LRFN5: variants seen among roughly 807,000 people sequenced by gnomAD.
LRFN5 encodes the protein leucine-rich repeat and fibronectin type-III domain-containing protein 5.
LRFN5 carries 24 observed loss-of-function variants against 45.6 expected under a neutral mutation model. The observed-to-expected ratio is 0.53, with a 90% CI of 0.38 to 0.74. LRFN5 has a LOEUF of 0.74. Ranked by LOEUF, LRFN5 falls within the 30% of genes least tolerant of loss-of-function variation. LRFN5 has a pLI of 0.00. For missense variants in LRFN5, 776 were observed against 861.5 expected (o/e 0.90, Z 1.24); for synonymous variants, 340 against 313.8 (o/e 1.08, Z -0.88).
chr14:41,607,099 G>T lies in LRFN5; in HGVS notation c.-1660G>T, dbSNP rs1273250743. 6.6e-6 allele frequency among the ~76,000 whole-genome samples: 1 copy of T among 152,182 alleles called. No individual in the cohort carries two copies. Among genetic ancestry groups the T allele is most frequent in the Non-Finnish European group, 1.5e-5 (1 of 68,018 alleles). On this transcript the variant is annotated 5_prime_UTR_variant, in exon 1 of 6. Coordinates refer to ENST00000298119, the MANE Select transcript of LRFN5 (RefSeq NM_152447.5). ...TGTGTTCCGCGGCGCGCAGGGAGGC[G>T]GTGAGCGTGTGCAGAGCTGCCCGAA...
intron 5 of LRFN5, among the ~76,000 whole-genome samples, chr14:41,900,679 C>G (rs940752284): frequency 6.6e-6 from 1 of 152,082 alleles, no homozygotes; most frequent in African/African-American, 2.4e-5. Flanking sequence ...TATTAGCCAG[C>G]TCCTTGCTAC....
At chr14:41,808,129 T>C (rs1357528315) in intron 2 of LRFN5, among the ~76,000 whole-genome samples, 1 of 149,330 alleles carries the variant, frequency 6.7e-6, no homozygotes, top group African/African-American at 2.5e-5. Flanking sequence ...CTTGAGCCTG[T>C]ATAATTATAT....
intron 1 of LRFN5, among the ~76,000 whole-genome samples, chr14:41,666,219 T>A (rs967164205): frequency 2.0e-5 from 3 of 152,034 alleles, no homozygotes; most frequent in Non-Finnish European, 2.9e-5. Context: ...TAATCTCTAC[T>A]TCTACTTTTT....
chr14:41,739,657 GA>G (rs888521784), intron 1 of LRFN5, among the ~76,000 whole-genome samples: 76 of 130,302 alleles, frequency 5.8e-4, no homozygotes, highest in African/African-American at 1.1e-3. Context: ...CTAGCAACTA[GA>G]AAAAAAAAAA....
chr14:41,743,451 A>T (rs747983520), intron 1 of LRFN5, among the ~76,000 whole-genome samples: 23 of 152,178 alleles, frequency 1.5e-4, no homozygotes, highest in Admixed American at 1.2e-3. Context: ...GTGCTTGACC[A>T]AAAAATAAAT....
intron 1 of LRFN5, among the ~76,000 whole-genome samples, chr14:41,679,274 G>T (rs1029282303): frequency 6.6e-6 from 1 of 152,110 alleles, no homozygotes; most frequent in Non-Finnish European, 1.5e-5. Flanking sequence ...CACAAGCCAG[G>T]GTGGCTAAGG....
intron 2 of LRFN5, among the ~76,000 whole-genome samples, chr14:41,857,171 AATTT>A (rs1216271665): frequency 1.3e-5 from 2 of 152,098 alleles, no homozygotes; most frequent in Non-Finnish European, 2.9e-5. Context: ...TTTCACAATT[AATTT>A]AAGTGGAAGT....
chr14:41,886,730 C>A lies in LRFN5; in HGVS notation c.105C>A (p.Thr35=), dbSNP rs750900263. ...AGATTTTGTCTCCTAATCTTGCAAC[C>A]CTTTGTGCCAAGAAAGGGCTTTTAT... The part of the protein sequence containing the change: ...VCQILSPNLA[T]LCAKKGLLFV... Residue 35 remains threonine, a synonymous_variant, in exon 3 of 6, where the codon ACC becomes ACA. Transcript: ENST00000298119. 14 of 1,613,918 alleles carry A rather than the reference C, an allele frequency of 8.7e-6. No homozygotes were observed. Among genetic ancestry groups the A allele is most frequent in the Non-Finnish European group, 1.1e-5 (13 of 1,180,008 alleles).
chr14:41,874,419 T>C (rs1890121764), intron 2 of LRFN5, among the ~76,000 whole-genome samples: 2 of 152,150 alleles, frequency 1.3e-5, no homozygotes, highest in Non-Finnish European at 1.5e-5. Flanking sequence ...ATCTTCAGGT[T>C]TGACATTGAT....
At chr14:41,610,378 A>G (rs1887698270) in intron 1 of LRFN5, among the ~76,000 whole-genome samples, 1 of 152,096 alleles carries the variant, frequency 6.6e-6, no homozygotes, top group Middle Eastern at 3.2e-3. Context: ...CTAAGTGTGT[A>G]TTTCCTAGAT....
intron 2 of LRFN5, among the ~76,000 whole-genome samples, chr14:41,855,419 T>G (rs2139084751): frequency 6.6e-6 from 1 of 152,320 alleles, no homozygotes; most frequent in South Asian, 2.1e-4. Context: ...GATATTTTAA[T>G]ACCACTGAAC....
chr14:41,747,621 T>A (rs1045599637), intron 1 of LRFN5, among the ~76,000 whole-genome samples: 1 of 152,000 alleles, frequency 6.6e-6, no homozygotes, highest in Non-Finnish European at 1.5e-5. Context: ...AATGGTTTAT[T>A]GAATATGACA....
rs1473523628 is a variant in LRFN5, at chr14:41,836,765, CAG to C, written c.-20-49835_-20-49834del. ...ATGACTGCACCTAAACAGGTTCATT[CAG>C]AGAGATAGGGATGCCTCCAAGAGTG... On this transcript the variant is annotated intron_variant, in intron 2 of 5. Transcript: ENST00000298119. 9.2e-5 allele frequency among the ~76,000 whole-genome samples: 14 copies of C among 152,248 alleles called. No individual in the cohort carries two copies. The East Asian group carries it at 2.7e-3, about 29-fold the overall frequency.
intron 2 of LRFN5, among the ~76,000 whole-genome samples, chr14:41,803,890 G>A (rs1220643600): frequency 6.6e-6 from 1 of 152,066 alleles, no homozygotes; most frequent in Non-Finnish European, 1.5e-5. Flanking sequence ...TTGAGACAGA[G>A]TCTCACTCTG....
chr14:41,729,025 A>T (rs1157767499), intron 1 of LRFN5, among the ~76,000 whole-genome samples: 2 of 152,150 alleles, frequency 1.3e-5, no homozygotes, highest in South Asian at 2.1e-4. Context: ...GTGTTTTGAA[A>T]CCCAGAACCA....
intron 1 of LRFN5, among the ~76,000 whole-genome samples, chr14:41,754,238 G>C (rs1885272518): frequency 6.6e-6 from 1 of 151,986 alleles, no homozygotes; most frequent in African/African-American, 2.4e-5. Flanking sequence ...TTTTTGTTGT[G>C]TCTCTGCCAG....
At chr14:41,785,578 A>G (rs1193190290) in intron 2 of LRFN5, among the ~76,000 whole-genome samples, 1 of 152,086 alleles carries the variant, frequency 6.6e-6, no homozygotes, top group African/African-American at 2.4e-5. Flanking sequence ...TGATTTTTCC[A>G]CAGATGAGAG....
rs549557415 is a variant in LRFN5 at position 41,806,966 on chromosome 14, C to T, written c.-21+39937C>T. Among the ~76,000 whole-genome samples, 5 of 152,212 alleles carry T rather than the reference C, an allele frequency of 3.3e-5. No individual in the cohort carries two copies. The East Asian group carries it at 5.8e-4, about 18-fold the overall frequency. ...CTAAACTAAATGGCCTAAGTCTGAA[C>T]GCCTATGTGCTACTCTAGAGAAGTA... On this transcript the variant is annotated intron_variant, in intron 2 of 5. Transcript: ENST00000298119.
chr14:41,842,183 T>A lies in LRFN5; in HGVS notation c.-20-44423T>A, dbSNP rs1168710742. Among the ~76,000 whole-genome samples the A allele has an allele frequency of 2.0e-5, 3 of 152,062 alleles. No homozygotes were observed. The East Asian group carries it at 5.8e-4, about 29-fold the overall frequency. ...TGGAGATGATATTACTTATGCAGGT[T>A]AAACCTAAACATCTGTTGCATTTGT... is the stretch of plus-strand genomic sequence containing the variant. On this transcript the variant is annotated intron_variant, in intron 2 of 5. Coordinates refer to ENST00000298119, the MANE Select transcript of LRFN5 (RefSeq NM_152447.5).
Sources: gnomAD v4.1 joint callset for allele counts (sites outside exome capture counted in the v4.1 genomes callset) on GRCh38, gnomAD v4.1.1 for gene constraint, MANE v1.5 for transcripts, NCBI Gene and HGNC (gene_info 2026-07-23, HGNC 2026-07-21) for gene names.